Variants in PXDNL observed in about 807,000 individuals in gnomAD.
PXDNL encodes probable oxidoreductase PXDNL.
PXDNL carries 145 observed loss-of-function variants against 150.8 expected under a neutral mutation model. That is an observed-to-expected ratio of 0.96 (90% CI 0.84 to 1.10). The LOEUF is 1.10. Among genes scored for constraint, PXDNL ranks in the 50% least tolerant of loss-of-function variants. PXDNL has a pLI of 0.00. For missense variants in PXDNL, 2,087 were observed against 1,873.9 expected, an observed-to-expected ratio of 1.11 and a Z score of -2.10; for synonymous variants, 757 against 725.7, an observed-to-expected ratio of 1.04 and a Z score of -0.69.
intron 1 of PXDNL, among the ~76,000 whole-genome samples, chr8:51,808,611 G>A (rs901340172): frequency 6.6e-6 from 1 of 152,118 alleles, no homozygotes; most frequent in Admixed American, 6.5e-5. Context: ...TAGTCTAAGC[G>A]GCTGCTCCAC....
chr8:51,598,422 T>C (rs931519919), intron 2 of PXDNL, among the ~76,000 whole-genome samples: 2 of 152,202 alleles, frequency 1.3e-5, no homozygotes, highest in African/African-American at 2.4e-5. Context: ...CCTTGTTTCT[T>C]GAGAGTTTTC....
At chr8:51,749,672 T>C (rs2037023055) in intron 1 of PXDNL, among the ~76,000 whole-genome samples, 1 of 152,192 alleles carries the variant, frequency 6.6e-6, no homozygotes, top group Non-Finnish European at 1.5e-5. Context: ...TCATTAACAC[T>C]GAACACTTCA....
chr8:51,701,179 GA>G (rs1816251319), intron 1 of PXDNL, among the ~76,000 whole-genome samples: 1 of 152,012 alleles, frequency 6.6e-6, no homozygotes, highest in African/African-American at 2.4e-5. Flanking sequence ...TAAATTGTAT[GA>G]ATTATTATTA....
chr8:51,372,088 G>C lies in PXDNL; in HGVS notation c.3693-7C>G. 6.7e-7 allele frequency: 1 copy of C among 1,501,112 alleles called. No individual in the cohort carries two copies. The highest frequency in any genetic ancestry group is 2.5e-5 in the East Asian group (1 of 39,940). 93.0% of individuals were successfully genotyped at this position (1,501,112 alleles called of 1,614,324 possible). A position where few individuals can be genotyped will look rare whatever the true frequency, so the allele number is the denominator to read the frequency against. The stretch of plus-strand genomic sequence containing the variant: ...AGGGTTTTCATACCAGAACCTGGTA[G>C]TCAACCAAAAAAAAAACATTGTCGT... On this transcript the variant is annotated splice_polypyrimidine_tract_variant and splice_region_variant and intron_variant, in intron 18 of 22. Transcript: ENST00000356297.
intron 21 of PXDNL, among the ~76,000 whole-genome samples, chr8:51,328,186 G>A (rs953778494): frequency 1.3e-5 from 2 of 152,200 alleles, no homozygotes; most frequent in Non-Finnish European, 2.9e-5. Context: ...AGCTGTCCTG[G>A]GTCTTCAGCC....
intron 3 of PXDNL, among the ~76,000 whole-genome samples, chr8:51,576,902 A>G (rs1392769565): frequency 6.6e-6 from 1 of 151,940 alleles, no homozygotes; most frequent in Non-Finnish European, 1.5e-5. Context: ...AAATTAGAAA[A>G]AATGGACAAC....
At position 51,394,803 on chromosome 8, in the gene PXDNL, G is replaced by A. The variant is rs138374579; in HGVS notation, c.3557+13264C>T. 1.1e-3 allele frequency among the ~76,000 whole-genome samples: 168 copies of A among 152,184 alleles called. 1 individual carries two copies. The highest frequency in any genetic ancestry group is 1.2e-3 in the Non-Finnish European group (80 of 67,986). ...TCAAAAATGCCCTGGGGTACATAGC[G>A]CTGGTCCTGTGGCCACATAGGCCTA... is the stretch of plus-strand genomic sequence containing the variant. On this transcript the variant is annotated intron_variant, in intron 17 of 22. Transcript: ENST00000356297.
chr8:51,742,616 A>G (rs996813318), intron 1 of PXDNL, among the ~76,000 whole-genome samples: 4 of 151,692 alleles, frequency 2.6e-5, no homozygotes, highest in African/African-American at 9.7e-5. Context: ...ACATCAACAA[A>G]TGAAGAAAAT....
At chr8:51,620,547 C>CT (rs1222556097) in intron 2 of PXDNL, among the ~76,000 whole-genome samples, 4,160 of 144,866 alleles carry the variant, frequency 0.029, 173 homozygotes, top group African/African-American at 0.091. Flanking sequence ...AACTCAATCA[C>CT]TTTTTTTTTT....
chr8:51,419,740 T>A (rs1431631), intron 14 of PXDNL, among the ~76,000 whole-genome samples: 1 of 152,126 alleles, frequency 6.6e-6, no homozygotes, highest in African/African-American at 2.4e-5. Flanking sequence ...AAATATTTTT[T>A]AAAAACAATA....
At chr8:51,471,893 A>C (rs758494061) in intron 8 of PXDNL, among the ~76,000 whole-genome samples, 2 of 151,970 alleles carry the variant, frequency 1.3e-5, no homozygotes, top group Non-Finnish European at 2.9e-5. Flanking sequence ...TCACCGTGTT[A>C]GCCAGGATGG....
At chr8:51,563,436 A>T (rs557396882) in intron 3 of PXDNL, among the ~76,000 whole-genome samples, 1 of 151,958 alleles carries the variant, frequency 6.6e-6, no homozygotes, top group Admixed American at 6.6e-5. Flanking sequence ...ACCTAAACCC[A>T]ATTACCTGCT....
chr8:51,404,462 G>A (rs1482293106), intron 17 of PXDNL, among the ~76,000 whole-genome samples: 1 of 149,878 alleles, frequency 6.7e-6, no homozygotes, highest in Non-Finnish European at 1.5e-5. Context: ...CACCAGATTA[G>A]CCACATACAG....
At chr8:51,801,009 C>G (rs182843603) in intron 1 of PXDNL, among the ~76,000 whole-genome samples, 1 of 152,122 alleles carries the variant, frequency 6.6e-6, no homozygotes, top group Non-Finnish European at 1.5e-5. Flanking sequence ...TGACTGCCTG[C>G]GGGGTTGGGC....
intron 8 of PXDNL, among the ~76,000 whole-genome samples, chr8:51,467,879 TC>T (rs1262022095): frequency 6.6e-6 from 1 of 152,096 alleles, no homozygotes; most frequent in Non-Finnish European, 1.5e-5. Context: ...CTGGCAGGTT[TC>T]TCTCATCTTT....
chr8:51,362,931 A>G lies in PXDNL; in HGVS notation c.3901+8942T>C, dbSNP rs533692594. ...GTTTCAAAATTGTCAGTTAAATATA[A>G]GTAGGTACTTGTTTGATTTGACTGT... is the stretch of plus-strand genomic sequence containing the variant. On this transcript the variant is annotated intron_variant, in intron 19 of 22. Transcript: ENST00000356297. Among the ~76,000 whole-genome samples the G allele has an allele frequency of 2.0e-5, 3 of 152,350 alleles. No individual in the cohort carries two copies. The South Asian group carries it at 6.2e-4, about 32-fold the overall frequency.
chr8:51,482,174 C>T (rs1810619817), intron 6 of PXDNL, among the ~76,000 whole-genome samples: 2 of 152,212 alleles, frequency 1.3e-5, no homozygotes, highest in Non-Finnish European at 2.9e-5. Context: ...CCATGGGAGC[C>T]CATCTCTTCC....
chr8:51,805,817 T>C (rs1328426451), intron 1 of PXDNL, among the ~76,000 whole-genome samples: 1 of 152,200 alleles, frequency 6.6e-6, no homozygotes, highest in Non-Finnish European at 1.5e-5. Context: ...ACTGAGTCCA[T>C]TTCTTAACCA....
In PXDNL at chr8:51,599,680, A is replaced by G. The variant is rs186456949; in HGVS notation, c.237-6982T>C. 4.6e-3 allele frequency among the ~76,000 whole-genome samples: 538 copies of G among 117,364 alleles called. 2 individuals carry two copies. The highest frequency in any genetic ancestry group is 8.7e-3 in the African/African-American group (252 of 29,078). 77.0% of individuals were successfully genotyped at this position (117,364 alleles called of 152,430 possible). ...AATTATATCTTATATAAATGATATCATTTATATAATAAATTATATCTTATA... is the reference window on the plus strand; with the variant it reads ...AATTATATCTTATATAAATGATATCGTTTATATAATAAATTATATCTTATA... On this transcript the variant is annotated intron_variant, in intron 2 of 22. Coordinates refer to ENST00000356297, the MANE Select transcript of PXDNL (RefSeq NM_144651.5).
Sources: allele counts gnomAD v4.1 joint callset (sites outside exome capture counted in the v4.1 genomes callset), GRCh38; gene constraint gnomAD v4.1.1; transcripts MANE v1.5; gene names NCBI Gene and HGNC (gene_info 2026-07-23, HGNC 2026-07-21).